Variants in LIPK observed in about 807,000 individuals in gnomAD.
LIPK encodes the protein lipase family member K, also known as lipase member K.
LIPK carries 32 observed loss-of-function variants against 48.6 expected under a neutral mutation model. The ratio of observed to expected loss-of-function variants is 0.66; its 90% CI spans 0.50 to 0.88. The LOEUF is 0.88. Among genes scored for constraint, LIPK ranks in the 40% least tolerant of loss-of-function variants. The pLI is 0.00. For missense variants in LIPK, 507 were observed against 478.5 expected (o/e 1.06, Z -0.56); for synonymous variants, 164 against 157.4 (o/e 1.04, Z -0.32).
At chr10:88,728,695 G>T in intron 3 of LIPK, 1 of 410,824 alleles carries the variant, frequency 2.4e-6, no homozygotes, top group African/African-American at 2.1e-5. Flanking sequence ...CAGAGCAGGT[G>T]TATGCATAGG....
At chr10:88,710,200 T>C (rs1001223144) in intron 1 of LIPK, among the ~76,000 whole-genome samples, 2 of 152,160 alleles carry the variant, frequency 1.3e-5, no homozygotes, top group Non-Finnish European at 2.9e-5. Flanking sequence ...TTATTACAAA[T>C]AACAAGAATT....
intron 2 of LIPK, among the ~76,000 whole-genome samples, chr10:88,726,021 G>C (rs1269047607): frequency 6.6e-6 from 1 of 152,156 alleles, no homozygotes. Context: ...TAGACAAGCT[G>C]TCTTCCTCAA....
intron 8 of LIPK, among the ~76,000 whole-genome samples, chr10:88,742,175 C>G (rs1387701144): frequency 6.6e-6 from 1 of 152,172 alleles, no homozygotes; most frequent in Non-Finnish European, 1.5e-5. Flanking sequence ...ATTCAGTCTC[C>G]TCCCACCAGG....
intron 1 of LIPK, among the ~76,000 whole-genome samples, chr10:88,713,951 A>C (rs1233236176): frequency 6.6e-6 from 1 of 151,900 alleles, no homozygotes; most frequent in African/African-American, 2.4e-5. Context: ...CTCTGTCTCA[A>C]AAAAATAAAA....
intron 3 of LIPK, chr10:88,728,336 C>G (rs1411668957): frequency 1.1e-5 from 2 of 184,512 alleles, no homozygotes; most frequent in Non-Finnish European, 1.1e-5. Context: ...CGAGAGCATG[C>G]ACCACCAGGT....
intron 1 of LIPK, among the ~76,000 whole-genome samples, chr10:88,718,126 C>T (rs370563432): frequency 8.1e-4 from 123 of 151,614 alleles, no homozygotes; most frequent in African/African-American, 2.9e-3. Flanking sequence ...ATTCTACATT[C>T]CCACATTTCT....
chr10:88,746,566 C>A, intron 9 of LIPK, among the ~76,000 whole-genome samples: 1 of 152,042 alleles, frequency 6.6e-6, no homozygotes. Context: ...TTCTTTGAAA[C>A]TAATGAAAAC....
rs1314501720 is a variant in LIPK at position 88,742,827 on chromosome 10, A to G, written c.889-423A>G. Among the ~76,000 whole-genome samples the G allele has an allele frequency of 2.0e-5, 3 of 152,252 alleles. No individual in the cohort carries two copies. The East Asian group carries it at 5.8e-4, about 29-fold the overall frequency. On this transcript the variant is annotated intron_variant, in intron 8 of 9. Transcript: ENST00000404190. Reference sequence around the variant, plus strand: ...ACAGTTTAGACCACATCATGAGGATAAGGTACAAAGTTGTATAATAACAAT... The same window carrying G: ...ACAGTTTAGACCACATCATGAGGATGAGGTACAAAGTTGTATAATAACAAT...
chr10:88,718,913 T>C (rs1407179662), intron 1 of LIPK, among the ~76,000 whole-genome samples: 2 of 152,168 alleles, frequency 1.3e-5, no homozygotes, highest in Non-Finnish European at 2.9e-5. Context: ...ATTTGAGAAG[T>C]GTTGGTACAA....
chr10:88,730,423 G>A (rs1379614789), intron 3 of LIPK, among the ~76,000 whole-genome samples: 1 of 152,042 alleles, frequency 6.6e-6, no homozygotes, highest in Non-Finnish European at 1.5e-5. Flanking sequence ...CCGAGTAGCT[G>A]GGACTACAAC....
chr10:88,737,709 A>T lies in LIPK; in HGVS notation c.744A>T (p.Arg248=), dbSNP rs1363306037. Residue 248 remains arginine, a synonymous_variant, in exon 7 of 10, where the codon CGA becomes CGT. Coordinates refer to ENST00000404190, the MANE Select transcript of LIPK (RefSeq NM_001080518.2). ...TCATTGCCACCAAAGTGTGCAATCG[A>T]AAGCTATTCCGTCGTATTTGCAGCA... ...DQFIATKVCN[R]KLFRRICSNF... 3 of 1,613,788 alleles carry T rather than the reference A, an allele frequency of 1.9e-6. No homozygotes were observed. Among genetic ancestry groups the T allele is most frequent in the Non-Finnish European group, 2.5e-6 (3 of 1,179,808 alleles).
rs1842490492 is a variant in LIPK at position 88,732,557 on chromosome 10, T to G, written c.669+6T>G. Reference sequence around the variant, plus strand: ...TTTCCAGGCGAGTAGTTAAGGTATGTGACTTCCCAAGTTTTAATCTGAAAT... The same window carrying G: ...TTTCCAGGCGAGTAGTTAAGGTATGGGACTTCCCAAGTTTTAATCTGAAAT... On this transcript the variant is annotated splice_donor_region_variant and intron_variant, in intron 6 of 9. Coordinates refer to ENST00000404190, the MANE Select transcript of LIPK (RefSeq NM_001080518.2). 1.9e-6 allele frequency: 3 copies of G among 1,590,850 alleles called. No individual in the cohort carries two copies. Among genetic ancestry groups the G allele is most frequent in the Non-Finnish European group, 2.6e-6 (3 of 1,173,158 alleles).
intron 3 of LIPK, 104 bp from the exon 4 acceptor site, chr10:88,730,879 A>C (rs1417655928): frequency 9.4e-7 from 1 of 1,068,972 alleles, no homozygotes; most frequent in Non-Finnish European, 1.3e-6. Context: ...ATCAAATTTT[A>C]TCTCTTAACC....
chr10:88,728,356 G>T, intron 3 of LIPK: 2 of 196,762 alleles, frequency 1.0e-5, no homozygotes, highest in Non-Finnish European at 2.1e-5. Context: ...TCGAGTATGA[G>T]GTGCTGCAGG....
intron 6 of LIPK, among the ~76,000 whole-genome samples, chr10:88,736,208 G>A (rs1471722934): frequency 6.6e-6 from 1 of 151,922 alleles, no homozygotes; most frequent in Non-Finnish European, 1.5e-5. Context: ...GGAAGAAGAG[G>A]AGGAAGAAGA....
chr10:88,713,293 A>G (rs1252872320), intron 1 of LIPK, among the ~76,000 whole-genome samples: 1 of 152,206 alleles, frequency 6.6e-6, no homozygotes, highest in African/African-American at 2.4e-5. Context: ...CTTATAAATC[A>G]CTTTTTAAAG....
intron 1 of LIPK, among the ~76,000 whole-genome samples, chr10:88,706,887 T>C (rs924247987): frequency 3.3e-5 from 5 of 152,066 alleles, no homozygotes; most frequent in South Asian, 2.1e-4. Flanking sequence ...TTGTAATAAA[T>C]AGTTTGACTG....
intron 9 of LIPK, among the ~76,000 whole-genome samples, chr10:88,751,478 G>C (rs1842861812): frequency 6.6e-6 from 1 of 152,110 alleles, no homozygotes; most frequent in Non-Finnish European, 1.5e-5. Flanking sequence ...TCTTGCTTCA[G>C]TGTCTCAAAG....
intron 1 of LIPK, among the ~76,000 whole-genome samples, chr10:88,720,715 G>GCACACA (rs3068334): frequency 0.015 from 2,296 of 150,150 alleles, 33 homozygotes; most frequent in Non-Finnish European, 0.017. Flanking sequence ...CAAGTTTTAT[G>GCACACA]CACACACACA....
Sources: allele counts gnomAD v4.1 joint callset (sites outside exome capture counted in the v4.1 genomes callset), GRCh38; gene constraint gnomAD v4.1.1; transcripts MANE v1.5; gene names NCBI Gene and HGNC (gene_info 2026-07-23, HGNC 2026-07-21).